The following SLC4A4 variants were observed in gnomAD, a reference collection of about 807,000 sequenced individuals.
The protein encoded by SLC4A4 is solute carrier family 4 member 4.
SLC4A4 carries 27 observed loss-of-function variants against 111.5 expected under a neutral mutation model. The ratio of observed to expected loss-of-function variants is 0.24; its 90% CI spans 0.18 to 0.33. SLC4A4 has a LOEUF of 0.33. SLC4A4 is among the 10% of genes least tolerant of loss of function. SLC4A4 has a pLI of 1.00. For synonymous variants in SLC4A4, 443 were observed against 463.4 expected, an observed-to-expected ratio of 0.96 and a Z score of 0.57; for missense variants, 909 against 1,315.5, an observed-to-expected ratio of 0.69 and a Z score of 4.78.
intron 2 of SLC4A4, among the ~76,000 whole-genome samples, chr4:71,126,002 C>T (rs1214703357): frequency 7.9e-5 from 12 of 152,158 alleles, no homozygotes; most frequent in African/African-American, 2.9e-4. Flanking sequence ...TTGTTAGCTG[C>T]ATCTTTGCCT....
At chr4:71,545,657 C>G (rs180676206) in intron 18 of SLC4A4, among the ~76,000 whole-genome samples, 1 of 152,042 alleles carries the variant, frequency 6.6e-6, no homozygotes, top group East Asian at 1.9e-4. Flanking sequence ...TCGGCCTATT[C>G]TGATTAAGGG....
chr4:71,216,490 GACT>G (rs1255650152), intron 1 of SLC4A4, among the ~76,000 whole-genome samples: 2 of 152,124 alleles, frequency 1.3e-5, no homozygotes, highest in Non-Finnish European at 2.9e-5. Context: ...TTAGTCCTCT[GACT>G]ATTATCAACA....
chr4:71,550,754 G>A (rs2149241366), intron 20 of SLC4A4, among the ~76,000 whole-genome samples: 1 of 151,952 alleles, frequency 6.6e-6, no homozygotes, highest in South Asian at 2.1e-4. Context: ...GATGATCCTA[G>A]TAATTTTCTT....
At chr4:71,198,418 T>C (rs917338627) in intron 1 of SLC4A4, among the ~76,000 whole-genome samples, 1 of 152,226 alleles carries the variant, frequency 6.6e-6, no homozygotes, top group Non-Finnish European at 1.5e-5. Flanking sequence ...CTTTATGCAG[T>C]CTTGTCTAGA....
chr4:71,145,998 T>G (rs955544566), intron 2 of SLC4A4, among the ~76,000 whole-genome samples: 1 of 152,226 alleles, frequency 6.6e-6, no homozygotes, highest in Non-Finnish European at 1.5e-5. Context: ...AGCTTTGGAA[T>G]GTGTTTGCTC....
chr4:71,313,543 A>C (rs999109357), intron 3 of SLC4A4, among the ~76,000 whole-genome samples: 1 of 152,240 alleles, frequency 6.6e-6, no homozygotes, highest in African/African-American at 2.4e-5. Flanking sequence ...TACAGTAACC[A>C]AAACAGCATG....
At chr4:71,265,170 T>C (rs1364232170) in intron 3 of SLC4A4, among the ~76,000 whole-genome samples, 7 of 152,180 alleles carry the variant, frequency 4.6e-5, no homozygotes, top group African/African-American at 1.7e-4. Context: ...AGGATGTTCT[T>C]TGTACATTTT....
At chr4:71,379,603 C>A (rs1293468969) in intron 6 of SLC4A4, among the ~76,000 whole-genome samples, 3 of 152,062 alleles carry the variant, frequency 2.0e-5, no homozygotes, top group Non-Finnish European at 4.4e-5. Context: ...TACAATAATA[C>A]AAATATGTTT....
chr4:71,554,610 T>A (rs927962386), intron 20 of SLC4A4, among the ~76,000 whole-genome samples: 7 of 151,852 alleles, frequency 4.6e-5, no homozygotes, highest in Non-Finnish European at 1.0e-4. Context: ...TCTCATAATA[T>A]TTGCAAGAAG....
At chr4:71,311,033 G>A (rs58584532) in intron 3 of SLC4A4, among the ~76,000 whole-genome samples, 11,492 of 152,074 alleles carry the variant, frequency 0.076, 786 homozygotes, top group Admixed American at 0.22. Flanking sequence ...CAAAACTTAG[G>A]GGTTGCAATC....
At chr4:71,517,711 A>T (rs2149186581) in intron 16 of SLC4A4, among the ~76,000 whole-genome samples, 1 of 152,128 alleles carries the variant, frequency 6.6e-6, no homozygotes, top group Non-Finnish European at 1.5e-5. Flanking sequence ...GTTTCTGTGC[A>T]TTTGAAGACA....
At chr4:71,503,303 T>C (rs1731114042) in intron 16 of SLC4A4, among the ~76,000 whole-genome samples, 1 of 151,938 alleles carries the variant, frequency 6.6e-6, no homozygotes, top group South Asian at 2.1e-4. Flanking sequence ...TAATTTCATT[T>C]ACATTCAAGG....
At chr4:71,426,784 G>A (rs1170836816) in intron 7 of SLC4A4, among the ~76,000 whole-genome samples, 1 of 152,048 alleles carries the variant, frequency 6.6e-6, no homozygotes, top group Non-Finnish European at 1.5e-5. Flanking sequence ...ACCATTGGAG[G>A]GTAAAGGCAG....
intron 11 of SLC4A4, 33 bp downstream of exon 11, chr4:71,451,334 A>T (rs1356490052): frequency 4.6e-6 from 6 of 1,308,248 alleles, no homozygotes; most frequent in Non-Finnish European, 6.7e-6. Flanking sequence ...ATTCATGATG[A>T]GGTTCTCCTT....
intron 18 of SLC4A4, among the ~76,000 whole-genome samples, chr4:71,544,976 G>C (rs149166849): frequency 6.6e-6 from 1 of 151,898 alleles, no homozygotes; most frequent in African/African-American, 2.4e-5. Context: ...GATATATCAT[G>C]GTATTCACCT....
At chr4:71,268,776 C>T (rs537126302) in intron 3 of SLC4A4, among the ~76,000 whole-genome samples, 116 of 152,272 alleles carry the variant, frequency 7.6e-4, no homozygotes, top group African/African-American at 2.6e-3. Flanking sequence ...TGCAGTTTTC[C>T]ATCAAAGTTA....
rs1212805993 is a variant in SLC4A4 at position 71,179,735 on chromosome 4, G to A, written c.-1-56841G>A. On this transcript the variant is annotated intron_variant, in intron 2 of 26. Coordinates refer to the SLC4A4 transcript ENST00000649996. ...ACAAATGGAAGAACATTCCATGCTC[G>A]TGGGTAGGAAGAATCAATACCATGA... is the stretch of plus-strand genomic sequence containing the variant. Among the ~76,000 whole-genome samples the A allele has an allele frequency of 3.3e-5, 5 of 152,194 alleles. No homozygotes were observed. The East Asian group carries it at 7.7e-4, about 23-fold the overall frequency.
intron 14 of SLC4A4, among the ~76,000 whole-genome samples, chr4:71,478,493 C>A (rs184307690): frequency 2.0e-5 from 3 of 151,356 alleles, no homozygotes; most frequent in African/African-American, 7.3e-5. Context: ...TCATTCTCAG[C>A]AAACTAACAT....
chr4:71,263,827 T>G (rs1255313656), intron 3 of SLC4A4, among the ~76,000 whole-genome samples: 1 of 152,118 alleles, frequency 6.6e-6, no homozygotes, highest in Non-Finnish European at 1.5e-5. Flanking sequence ...GGGAAATATA[T>G]TACAATATTA....
Sources: gnomAD v4.1 joint callset for allele counts (sites outside exome capture counted in the v4.1 genomes callset) on GRCh38, gnomAD v4.1.1 for gene constraint, MANE v1.5 for transcripts, NCBI Gene and HGNC (gene_info 2026-07-23, HGNC 2026-07-21) for gene names.